The following KHDC1 variants were observed in gnomAD, a reference collection of about 807,000 sequenced individuals.
KHDC1 encodes KH domain containing 1, also known as KH homology domain-containing protein 1.
KHDC1 carries 21 observed loss-of-function variants against 24.7 expected under a neutral mutation model. The observed-to-expected ratio is 0.85, with a 90% CI of 0.60 to 1.23. The LOEUF (loss-of-function observed/expected upper bound fraction) is 1.23. Ranked by LOEUF, KHDC1 falls within the 50% of genes most tolerant of loss-of-function variation. The pLI, the probability that KHDC1 is intolerant of heterozygous loss-of-function variation, is 0.00. For synonymous variants in KHDC1, 98 were observed against 111.7 expected (o/e 0.88, Z 0.77); for missense variants, 274 against 298.5 (o/e 0.92, Z 0.61).
At chr6:73,293,952 G>A (rs1049074041) in intron 1 of KHDC1, among the ~76,000 whole-genome samples, 3 of 146,432 alleles carry the variant, frequency 2.0e-5, no homozygotes, top group African/African-American at 7.5e-5. Context: ...GTTGCAGTGA[G>A]CCAAGATCAC....
At chr6:73,264,775 T>C (rs1247537070) in intron 2 of KHDC1, among the ~76,000 whole-genome samples, 3 of 152,138 alleles carry the variant, frequency 2.0e-5, no homozygotes, top group Admixed American at 6.5e-5. Flanking sequence ...CTAGCTGACA[T>C]TGACAGGAAA....
At chr6:73,301,333 A>G (rs192395951) in intron 1 of KHDC1, 1 of 152,340 alleles carries the variant, frequency 6.6e-6, no homozygotes, top group Non-Finnish European at 1.5e-5. Context: ...GTTAGTATAC[A>G]TAACTCTAAC....
At chr6:73,247,363 GA>G (rs1383374666) in intron 2 of KHDC1, among the ~76,000 whole-genome samples, 1 of 152,136 alleles carries the variant, frequency 6.6e-6, no homozygotes, top group Non-Finnish European at 1.5e-5. Context: ...CTGATTTCAA[GA>G]TTTGGGGCAA....
chr6:73,265,528 C>CAAAAAAA (rs70994179), intron 2 of KHDC1, among the ~76,000 whole-genome samples: 7 of 74,502 alleles, frequency 9.4e-5, no homozygotes, highest in East Asian at 3.7e-4. Flanking sequence ...GACTCCGTCT[C>CAAAAAAA]AAAAAAAAAA....
chr6:73,267,230 A>C (rs1767091049), intron 2 of KHDC1, among the ~76,000 whole-genome samples: 1 of 152,224 alleles, frequency 6.6e-6, no homozygotes, highest in Admixed American at 6.5e-5. Flanking sequence ...CTGTAATCCC[A>C]GCACTCTAGG....
intron 1 of KHDC1, among the ~76,000 whole-genome samples, chr6:73,303,531 A>G (rs181730424): frequency 6.1e-4 from 93 of 152,338 alleles, no homozygotes; most frequent in African/African-American, 2.0e-3. Flanking sequence ...AACACAAGCA[A>G]TTTCCTAGCC....
At chr6:73,295,077 C>T (rs4706536) in intron 1 of KHDC1, among the ~76,000 whole-genome samples, 6,716 of 151,982 alleles carry the variant, frequency 0.044, 357 homozygotes, top group African/African-American at 0.12. Context: ...TCACTTGAAC[C>T]GGGAGTTGGA....
At chr6:73,290,529 C>A in intron 2 of KHDC1, 1 of 409,998 alleles carries the variant, frequency 2.4e-6, no homozygotes, top group Non-Finnish European at 4.7e-6. Context: ...TTTTTTCTAA[C>A]AAGATCCAAA....
intron 1 of KHDC1, among the ~76,000 whole-genome samples, chr6:73,308,070 A>ATTTTTTTTT (rs35521120): frequency 8.9e-6 from 1 of 111,984 alleles, no homozygotes; most frequent in Non-Finnish European, 1.8e-5. Context: ...GGCCCAGCTA[A>ATTTTTTTTT]TTTTTTTTTT....
intron 2 of KHDC1, among the ~76,000 whole-genome samples, chr6:73,254,465 T>TAA (rs761433027): frequency 1.7e-4 from 16 of 91,578 alleles, no homozygotes; most frequent in African/African-American, 6.6e-4. Context: ...TGTCTTAAAA[T>TAA]AAAAATAAAT....
At chr6:73,250,097 G>A (rs1212461485) in intron 2 of KHDC1, among the ~76,000 whole-genome samples, 7 of 152,104 alleles carry the variant, frequency 4.6e-5, no homozygotes. Context: ...CATGTTCCCA[G>A]GTCACAAATC....
chr6:73,273,154 C>T (rs1195049945), intron 2 of KHDC1, among the ~76,000 whole-genome samples: 2 of 149,236 alleles, frequency 1.3e-5, no homozygotes, highest in Non-Finnish European at 3.0e-5. Flanking sequence ...CCACCGCGCC[C>T]AGCTTTTTTG....
At chr6:73,292,774 A>G in intron 1 of KHDC1, 1 of 719,886 alleles carries the variant, frequency 1.4e-6, no homozygotes. Context: ...TAAAAGATCT[A>G]GGTAAAGTTA....
At chr6:73,284,802 A>G (rs1767489531) in intron 2 of KHDC1, 1 of 151,936 alleles carries the variant, frequency 6.6e-6, no homozygotes, top group South Asian at 2.1e-4. Flanking sequence ...CCTTCTTTGA[A>G]TCTTGAAAAG....
At chr6:73,260,553 A>ATTT (rs1766962501) in intron 2 of KHDC1, among the ~76,000 whole-genome samples, 1 of 152,230 alleles carries the variant, frequency 6.6e-6, no homozygotes, top group Non-Finnish European at 1.5e-5. Flanking sequence ...TATCTGTAGA[A>ATTT]TAAAAAAGTT....
At chr6:73,261,056 C>T (rs1488874758) in intron 2 of KHDC1, among the ~76,000 whole-genome samples, 2 of 152,162 alleles carry the variant, frequency 1.3e-5, no homozygotes, top group Admixed American at 6.5e-5. Flanking sequence ...AGAGTAATTA[C>T]CTTGCAAACC....
At chr6:73,262,240 G>A (rs1034512372) in intron 2 of KHDC1, among the ~76,000 whole-genome samples, 2 of 152,186 alleles carry the variant, frequency 1.3e-5, no homozygotes, top group African/African-American at 4.8e-5. Flanking sequence ...ATAGGGCTGT[G>A]GTGAGAACTA....
intron 1 of KHDC1, among the ~76,000 whole-genome samples, chr6:73,295,798 A>G (rs1313458388): frequency 6.7e-6 from 1 of 150,208 alleles, no homozygotes; most frequent in Non-Finnish European, 1.5e-5. Context: ...GTGAGCTGAG[A>G]TCATGCCACT....
chr6:73,291,919 T>A, intron 2 of KHDC1: 1 of 1,504,958 alleles, frequency 6.6e-7, no homozygotes. Flanking sequence ...AATCTATTTT[T>A]AAAAATTTAA....
Sources: allele counts gnomAD v4.1 joint callset (sites outside exome capture counted in the v4.1 genomes callset), GRCh38; gene constraint gnomAD v4.1.1; transcripts MANE v1.5; gene names NCBI Gene and HGNC (gene_info 2026-07-23, HGNC 2026-07-21).